Variants in DNAH6 observed in about 807,000 individuals in gnomAD.
The protein encoded by DNAH6 is dynein axonemal heavy chain 6.
DNAH6 carries 340 observed loss-of-function variants against 491.4 expected under a neutral mutation model. The ratio of observed to expected loss-of-function variants is 0.69; its 90% CI spans 0.63 to 0.76. The LOEUF is 0.76. Ranked by LOEUF, DNAH6 falls within the 30% of genes least tolerant of loss-of-function variation. The probability of loss-of-function intolerance (pLI) is 0.00; values close to 1 mark genes in which losing one functional copy is unlikely to be tolerated. For synonymous variants in DNAH6, 1,603 were observed against 1,686.1 expected (o/e 0.95, Z 1.21); for missense variants, 4,443 against 4,972.2 (o/e 0.89, Z 3.20).
chr2:84,559,549 G>GA (rs1361679833), intron 11 of DNAH6, among the ~76,000 whole-genome samples: 5 of 152,008 alleles, frequency 3.3e-5, no homozygotes, highest in African/African-American at 9.7e-5. Flanking sequence ...TCTGTCTCAA[G>GA]AAAAAATCAA....
chr2:84,611,895 T>G (rs774515674), intron 22 of DNAH6, 41 bp downstream of exon 22: 2 of 1,506,180 alleles, frequency 1.3e-6, no homozygotes. Flanking sequence ...GACTACAATC[T>G]TTTAGTAGTC....
chr2:84,708,090 G>C (rs1232972658), intron 54 of DNAH6, among the ~76,000 whole-genome samples: 1 of 152,118 alleles, frequency 6.6e-6, no homozygotes, highest in African/African-American at 2.4e-5. Flanking sequence ...CAAAAGAAAG[G>C]AGCAGGCAGG....
intron 64 of DNAH6, among the ~76,000 whole-genome samples, chr2:84,767,512 T>G (rs1675196818): frequency 6.6e-6 from 1 of 151,504 alleles, no homozygotes; most frequent in Non-Finnish European, 1.5e-5. Context: ...AGTAACAAAG[T>G]GAGATCCTGT....
rs557399754 is a variant in DNAH6, at chr2:84,598,767, C to T, written c.2868+2978C>T. On this transcript the variant is annotated intron_variant, in intron 18 of 76. Transcript: ENST00000389394. ...TCATAATTGGCCGGGCACGGTGGCT[C>T]ATGCCTATAATCCCAGCACTTTGGG... is the stretch of plus-strand genomic sequence containing the variant. Among the ~76,000 whole-genome samples, 4 of 152,272 alleles carry T rather than the reference C, an allele frequency of 2.6e-5. No individual in the cohort carries two copies. In the South Asian group the frequency reaches 8.3e-4, roughly 32 times the overall value.
chr2:84,548,999 A>T (rs958815597), intron 8 of DNAH6, among the ~76,000 whole-genome samples: 1 of 152,180 alleles, frequency 6.6e-6, no homozygotes, highest in South Asian at 2.1e-4. Context: ...ACAAAGGTGC[A>T]CCCAATCCCT....
chr2:84,776,336 C>T (rs1049463148), intron 64 of DNAH6, among the ~76,000 whole-genome samples: 1 of 152,158 alleles, frequency 6.6e-6, no homozygotes, highest in African/African-American at 2.4e-5. Context: ...TTCATACTGA[C>T]CAGTTTAGGA....
Position 84,720,339 on chromosome 2 carries a change from C to T in DNAH6, c.9792+1955C>T, listed in dbSNP as rs536480592. Among the ~76,000 whole-genome samples the T allele has an allele frequency of 1.1e-4, 13 of 116,052 alleles. No homozygotes were observed. In the East Asian group the frequency reaches 2.6e-3, roughly 23 times the overall value. The allele number at this position is 116,052 out of a possible 152,430, so 76.1% of individuals were successfully genotyped here. ...TGTCGCCCAGGCTGGAGTGCAGTGG[C>T]GGGATCTCGGCTCACTGCAAGCTCC... On this transcript the variant is annotated intron_variant, in intron 59 of 76. Transcript: ENST00000389394.
intron 63 of DNAH6, among the ~76,000 whole-genome samples, chr2:84,758,900 T>A (rs1674305732): frequency 6.6e-6 from 1 of 152,104 alleles, no homozygotes; most frequent in Non-Finnish European, 1.5e-5. Context: ...GATGCCCACT[T>A]TTACCACCTG....
At chr2:84,500,224 G>A in the DNAH6 span, among the ~76,000 whole-genome samples, 2 of 152,212 alleles carry the variant, frequency 1.3e-5, no homozygotes, top group South Asian at 4.2e-4. Context: ...TGAGAGATGG[G>A]GGTCTAGTCT....
At chr2:84,598,846 A>G (rs1684937900) in intron 18 of DNAH6, among the ~76,000 whole-genome samples, 3 of 152,184 alleles carry the variant, frequency 2.0e-5, no homozygotes, top group South Asian at 4.1e-4. Flanking sequence ...CCTGGCCAAC[A>G]TGGTGAAACC....
rs140133831 is a variant in DNAH6, at chr2:84,631,239, A to C, written c.4516-3265A>C. Among the ~76,000 whole-genome samples the C allele has an allele frequency of 4.2e-3, 639 of 152,244 alleles. 2 individuals carry two copies. Among genetic ancestry groups the C allele is most frequent in the Admixed American group, 6.1e-3 (93 of 15,290 alleles). ...TAATCGTGTCTGAAAACACACAAGA[A>C]TGCTGTCCAAACCACAAAAAATAAT... On this transcript the variant is annotated intron_variant, in intron 29 of 76. Transcript: ENST00000389394.
At chr2:84,470,251 C>T in the DNAH6 span, among the ~76,000 whole-genome samples, 1 of 152,330 alleles carries the variant, frequency 6.6e-6, no homozygotes, top group African/African-American at 2.4e-5. Flanking sequence ...AAATATGTTA[C>T]AGGACAAAGG....
chr2:84,524,572 A>G (rs1676440597), intron 2 of DNAH6, among the ~76,000 whole-genome samples: 1 of 152,040 alleles, frequency 6.6e-6, no homozygotes, highest in Admixed American at 6.6e-5. Flanking sequence ...TTGGCTGGTA[A>G]TAGACTTTTC....
At chr2:84,579,805 G>GT (rs1682829596) in intron 14 of DNAH6, 126 bp downstream of exon 14, 2 of 783,190 alleles carry the variant, frequency 2.6e-6, no homozygotes, top group South Asian at 2.0e-5. Context: ...CACTTTCAAA[G>GT]TAAGTGGATG....
At chr2:84,475,624 C>T in the DNAH6 span, among the ~76,000 whole-genome samples, 1 of 152,140 alleles carries the variant, frequency 6.6e-6, no homozygotes, top group Admixed American at 6.5e-5. Context: ...ATGTAAGTTA[C>T]CTCCAATGCC....
rs545302196 is a variant in DNAH6 at position 84,654,536 on chromosome 2, A to G, written c.5635-124A>G. On this transcript the variant is annotated intron_variant, in intron 34 of 76. Transcript: ENST00000389394. ...TTATTGCTCTCCCACTCTCTTCCAC[A>G]TGAAGCCCTTCAGTGTTGTTAGACT... is the stretch of plus-strand genomic sequence containing the variant. 16 of 1,254,010 alleles carry G rather than the reference A, an allele frequency of 1.3e-5. No individual in the cohort carries two copies. In the African/African-American group the frequency reaches 2.1e-4, roughly 17 times the overall value. The allele number at this position is 1,254,010 out of a possible 1,614,324, so 77.7% of individuals were successfully genotyped here. A position where few individuals can be genotyped will look rare whatever the true frequency, so the allele number is the denominator to read the frequency against.
At chr2:84,560,725 T>C (rs1450295287) in intron 11 of DNAH6, among the ~76,000 whole-genome samples, 4 of 152,148 alleles carry the variant, frequency 2.6e-5, no homozygotes, top group African/African-American at 9.7e-5. Context: ...TTTTTTGTCC[T>C]TGTGATAGTT....
In DNAH6 at chr2:84,529,032, A is replaced by G; in HGVS notation, c.528A>G (p.Glu176=). ...CTAAGTACACTTTTCACGACCGAGA[A>G]GAAGTTGTTAAAGCCAACATTCGTG... ...AYPKYTFHDR[E]EVVKANIRDP... The change falls in exon 4 of 77, where the codon GAA becomes GAG. Residue 176 remains glutamate, a synonymous_variant. Transcript: ENST00000389394. The G allele has an allele frequency of 6.4e-7, 1 of 1,551,514 alleles. No homozygotes were observed. Among genetic ancestry groups the G allele is most frequent in the Non-Finnish European group, 8.7e-7 (1 of 1,146,798 alleles).
At chr2:84,708,475 AGGG>A (rs137904290) in intron 54 of DNAH6, among the ~76,000 whole-genome samples, 40 of 49,674 alleles carry the variant, frequency 8.1e-4, no homozygotes, top group Non-Finnish European at 1.2e-3. Context: ...AAAGAGAGAA[AGGG>A]GGGGGGGAGG....
Sources: gnomAD v4.1 joint callset for allele counts (sites outside exome capture counted in the v4.1 genomes callset) on GRCh38, gnomAD v4.1.1 for gene constraint, MANE v1.5 for transcripts, NCBI Gene and HGNC (gene_info 2026-07-23, HGNC 2026-07-21) for gene names.